The following KIDINS220 variants were observed in gnomAD, a reference collection of about 807,000 sequenced individuals.
KIDINS220 encodes kinase D-interacting substrate of 220 kDa.
A neutral mutation model predicts 157.6 loss-of-function variants in KIDINS220; 63 were observed. The ratio of observed to expected loss-of-function variants is 0.40; its 90% CI spans 0.33 to 0.49. KIDINS220 has a LOEUF of 0.49. KIDINS220 is among the 20% of genes least tolerant of loss of function. The pLI, the probability that KIDINS220 is intolerant of heterozygous loss-of-function variation, is 0.66. For synonymous variants in KIDINS220, 732 were observed against 783.6 expected (o/e 0.93, Z 1.10); for missense variants, 1,772 against 2,171.2 (o/e 0.82, Z 3.65).
intron 5 of KIDINS220, 49 bp from the exon 6 acceptor site, chr2:8,812,542 G>A (rs556176890): frequency 5.9e-6 from 6 of 1,020,098 alleles, no homozygotes; most frequent in African/African-American, 1.6e-5. Context: ...AGGAAGGAAG[G>A]AAAGAAAGAA....
In KIDINS220 at chr2:8,793,795, A is replaced by G. The variant is rs1673528761; in HGVS notation, c.1276+15T>C. 1.3e-6 allele frequency: 2 copies of G among 1,568,958 alleles called. No homozygotes were observed. The highest frequency in any genetic ancestry group is 2.4e-5 in the South Asian group (2 of 84,494). The stretch of plus-strand genomic sequence containing the variant: ...TTATTTAAAAGCTCAGTTAGGAGCA[A>G]AACTCAATACTTACTGGCTCCAAAT... On this transcript the variant is annotated intron_variant, in intron 12 of 29. Transcript: ENST00000256707.
intron 4 of KIDINS220, among the ~76,000 whole-genome samples, chr2:8,815,105 T>G (rs1224580844): frequency 1.3e-5 from 2 of 152,106 alleles, no homozygotes; most frequent in African/African-American, 4.8e-5. Flanking sequence ...TCACTTCAAT[T>G]TGAATAATGT....
intron 22 of KIDINS220, 48 bp downstream of exon 22, chr2:8,770,622 T>TTAA: frequency 4.6e-6 from 5 of 1,076,236 alleles, no homozygotes; most frequent in Non-Finnish European, 6.6e-6. Context: ...TTTTTTTTTT[T>TTAA]AACTCAACCT....
chr2:8,823,742 A>C (rs1678342058), intron 2 of KIDINS220, among the ~76,000 whole-genome samples: 1 of 152,204 alleles, frequency 6.6e-6, no homozygotes, highest in African/African-American at 2.4e-5. Flanking sequence ...TTTTGAAACT[A>C]TCATATGGTT....
intron 21 of KIDINS220, 82 bp from the exon 22 acceptor site, chr2:8,770,914 A>G: frequency 1.3e-6 from 1 of 786,782 alleles, no homozygotes; most frequent in Non-Finnish European, 1.8e-6. Context: ...ATTCACAAAT[A>G]TTTTAAATTT....
intron 12 of KIDINS220, among the ~76,000 whole-genome samples, chr2:8,792,767 C>T (rs1673380247): frequency 6.6e-6 from 1 of 151,954 alleles, no homozygotes; most frequent in Non-Finnish European, 1.5e-5. Flanking sequence ...TGGGAATTTA[C>T]CCTAAGAAAA....
intron 22 of KIDINS220, among the ~76,000 whole-genome samples, chr2:8,764,252 T>C (rs1348133638): frequency 6.6e-6 from 1 of 151,856 alleles, no homozygotes; most frequent in Admixed American, 6.6e-5. Flanking sequence ...AGGGACAGGA[T>C]GGGAGGAAGG....
At chr2:8,739,204 A>G (rs576695351) in intron 26 of KIDINS220, among the ~76,000 whole-genome samples, 6 of 152,336 alleles carry the variant, frequency 3.9e-5, no homozygotes, top group African/African-American at 1.4e-4. Context: ...ACAATTTATC[A>G]GTTACTTTCA....
chr2:8,779,779 C>G lies in KIDINS220; in HGVS notation c.2265G>C (p.Met755Ile). ...GAGTGAAGCTGTCAATGGTTTTTGCCATCCTGGCCATCAATTCCACTTCAC... is the reference window on the plus strand; with the variant it reads ...GAGTGAAGCTGTCAATGGTTTTTGCGATCCTGGCCATCAATTCCACTTCAC... ...LKCEVELMAR[M>I]AKTIDSFTQN... Residue 755 changes from methionine to isoleucine, a missense_variant, in exon 18 of 30, where the codon ATG becomes ATC. Met to Ile is a conservative substitution (Grantham distance 10, BLOSUM62 1). This residue lies in a region of KIDINS220 where 725 missense variants were observed against 1,017.1 expected (regional missense o/e 0.71). Transcript: ENST00000256707. 2 of 1,614,152 alleles carry G rather than the reference C, an allele frequency of 1.2e-6. No homozygotes were observed. The highest frequency in any genetic ancestry group is 1.1e-5 in the South Asian group (1 of 91,084).
intron 25 of KIDINS220, 152 bp downstream of exon 25, chr2:8,747,731 AAAAT>A (rs1183484966): frequency 2.4e-6 from 1 of 422,748 alleles, no homozygotes; most frequent in Admixed American, 4.4e-5. Context: ...ACCAGAAATG[AAAAT>A]AAATACATTT....
chr2:8,813,623 G>A (rs1226988203), intron 4 of KIDINS220, among the ~76,000 whole-genome samples: 1 of 152,166 alleles, frequency 6.6e-6, no homozygotes, highest in African/African-American at 2.4e-5. Context: ...TATTTTGGCT[G>A]TCCAAAAATA....
At chr2:8,784,293 C>T (rs1051701904) in intron 17 of KIDINS220, among the ~76,000 whole-genome samples, 3 of 151,430 alleles carry the variant, frequency 2.0e-5, no homozygotes, top group South Asian at 2.1e-4. Context: ...GCTCACAGAC[C>T]TAAATGCAAA....
intron 1 of KIDINS220, among the ~76,000 whole-genome samples, chr2:8,832,032 G>C (rs1558510949): frequency 6.6e-6 from 1 of 152,162 alleles, no homozygotes; most frequent in African/African-American, 2.4e-5. Context: ...TTTTCGTTAA[G>C]ATTTTAAATA....
downstream of KIDINS220, chr2:8,723,360 A>C (rs1259880307): frequency 6.6e-6 from 1 of 152,316 alleles, no homozygotes; most frequent in Non-Finnish European, 1.5e-5. Context: ...GTGGAGCCCA[A>C]AATGAAGGAG....
At chr2:8,817,183 T>C (rs1450484193) in intron 4 of KIDINS220, among the ~76,000 whole-genome samples, 2 of 152,226 alleles carry the variant, frequency 1.3e-5, no homozygotes, top group Admixed American at 6.5e-5. Context: ...ACTTCTGTCA[T>C]GCACAGATAG....
chr2:8,766,986 C>T (rs1036687268), intron 22 of KIDINS220, among the ~76,000 whole-genome samples: 3 of 152,158 alleles, frequency 2.0e-5, no homozygotes, highest in African/African-American at 7.2e-5. Context: ...TATATTTATA[C>T]AAGGTTTGCA....
intron 1 of KIDINS220, among the ~76,000 whole-genome samples, chr2:8,829,604 A>C (rs1276603013): frequency 6.6e-6 from 1 of 152,218 alleles, no homozygotes; most frequent in Non-Finnish European, 1.5e-5. Context: ...AATGTGTTAC[A>C]GAAAAATGCT....
intron 20 of KIDINS220, among the ~76,000 whole-genome samples, chr2:8,778,336 C>G (rs537992971): frequency 4.6e-5 from 7 of 152,118 alleles, no homozygotes; most frequent in Non-Finnish European, 8.8e-5. Flanking sequence ...CTCAACCTGA[C>G]CAGGAATGAA....
At chr2:8,813,869 A>G (rs1401276041) in intron 4 of KIDINS220, among the ~76,000 whole-genome samples, 4 of 152,228 alleles carry the variant, frequency 2.6e-5, no homozygotes, top group African/African-American at 7.2e-5. Context: ...GGTTGCAGTA[A>G]GCCAAGATCG....
Sources: allele counts gnomAD v4.1 joint callset (sites outside exome capture counted in the v4.1 genomes callset), GRCh38; gene constraint gnomAD v4.1.1; regional missense constraint gnomAD v4.1.1; transcripts MANE v1.5; gene names NCBI Gene and HGNC (gene_info 2026-07-23, HGNC 2026-07-21).